The following ABRAXAS2 variants were observed in gnomAD, a reference collection of about 807,000 sequenced individuals.
The protein encoded by ABRAXAS2 is abraxas 2, BRISC complex subunit.
In ABRAXAS2, 23 loss-of-function variants were observed where a neutral mutation model predicts 49.0. The ratio of observed to expected loss-of-function variants is 0.47; its 90% CI spans 0.34 to 0.66. The LOEUF (loss-of-function observed/expected upper bound fraction) is 0.66, where lower values mean the gene tolerates loss of function less well. ABRAXAS2 is among the 30% of genes least tolerant of loss of function. The pLI, the probability that ABRAXAS2 is intolerant of heterozygous loss-of-function variation, is 0.01. For missense variants in ABRAXAS2, 443 were observed against 511.9 expected (o/e 0.87, Z 1.30); for synonymous variants, 168 against 180.2 (o/e 0.93, Z 0.54).
At chr10:124,831,840 GTC>G (rs1233042105) in intron 8 of ABRAXAS2, among the ~76,000 whole-genome samples, 17,004 of 105,922 alleles carry the variant, frequency 0.16, 2,016 homozygotes, top group Middle Eastern at 0.23. Flanking sequence ...ACTGTGTCCT[GTC>G]TTTTTTTTTT....
chr10:124,827,136 G>A (rs1211925543), intron 5 of ABRAXAS2, among the ~76,000 whole-genome samples: 1 of 146,274 alleles, frequency 6.8e-6, no homozygotes, highest in Non-Finnish European at 1.5e-5. Flanking sequence ...TGAGATTCGT[G>A]ACTTCAAAAA....
intron 2 of ABRAXAS2, among the ~76,000 whole-genome samples, chr10:124,807,332 A>AG (rs1358006154): frequency 3.4e-5 from 5 of 148,878 alleles, no homozygotes; most frequent in Admixed American, 2.0e-4. Flanking sequence ...AAAAAAAAAA[A>AG]AAAGAATTCA....
intron 3 of ABRAXAS2, among the ~76,000 whole-genome samples, chr10:124,817,576 A>G (rs962741557): frequency 5.9e-5 from 9 of 151,818 alleles, no homozygotes; most frequent in Admixed American, 3.3e-4. Flanking sequence ...CACGAATACA[A>G]TCAGCGTTCT....
chr10:124,828,732 G>T, intron 5 of ABRAXAS2, 24 bp from the exon 6 acceptor site: 1 of 1,600,546 alleles, frequency 6.2e-7, no homozygotes, highest in Non-Finnish European at 8.5e-7. Flanking sequence ...CATTTAACAT[G>T]ATCTCTCTGA....
At chr10:124,807,916 G>A (rs930669608) in intron 2 of ABRAXAS2, among the ~76,000 whole-genome samples, 1 of 152,152 alleles carries the variant, frequency 6.6e-6, no homozygotes, top group Admixed American at 6.6e-5. Context: ...ATCCAGCAAG[G>A]ATATTTACAT....
chr10:124,817,986 C>G (rs1463093850), intron 3 of ABRAXAS2, among the ~76,000 whole-genome samples: 1 of 152,194 alleles, frequency 6.6e-6, no homozygotes, highest in African/African-American at 2.4e-5. Flanking sequence ...ACGAAGGTGT[C>G]TGATTTGGTC....
In ABRAXAS2 at chr10:124,826,769, T is replaced by C. The variant is rs762833408; in HGVS notation, c.442T>C (p.Phe148Leu). Reference sequence around the variant, plus strand: ...CACTCACGCTTTAGAATATGTGCTCTTCAGACCAAATAGAAGGTAAAGCTT... The same window carrying C: ...CACTCACGCTTTAGAATATGTGCTCCTCAGACCAAATAGAAGGTAAAGCTT... ...NSTHALEYVL[F>L]RPNRRYNQRI... Residue 148 changes from phenylalanine (F) to leucine (L), a missense_variant, in exon 5 of 9, where the codon TTC becomes CTC. Physicochemically the swap from Phe to Leu is conservative, Grantham distance 22 (BLOSUM62 0). This residue lies in a region of ABRAXAS2 where 166 missense variants were observed against 247.3 expected (regional missense o/e 0.67). Transcript: ENST00000298492. 1 of 1,614,126 alleles carries C rather than the reference T, an allele frequency of 6.2e-7. No individual in the cohort carries two copies. The highest frequency in any genetic ancestry group is 8.5e-7 in the Non-Finnish European group (1 of 1,179,998).
Position 124,835,999 on chromosome 10 carries a change from G to A in ABRAXAS2, c.*1028G>A, listed in dbSNP as rs1950966505. 6.6e-6 allele frequency: 1 copy of A among 152,600 alleles called. No homozygotes were observed. Among genetic ancestry groups the A allele is most frequent in the Non-Finnish European group, 1.5e-5 (1 of 68,046 alleles). 9.5% of individuals were successfully genotyped at this position (152,600 alleles called of 1,614,324 possible). ...CATTTGGGGAATAATTGCAGTATGT[G>A]TAGAGACTCTCTTGGGATGCACTTA... On this transcript the variant is annotated 3_prime_UTR_variant, in exon 9 of 9. Coordinates refer to ENST00000298492, the MANE Select transcript of ABRAXAS2 (RefSeq NM_032182.4).
intron 5 of ABRAXAS2, 82 bp from the exon 6 acceptor site, chr10:124,828,674 C>CTTT: frequency 8.9e-6 from 10 of 1,125,160 alleles, no homozygotes; most frequent in African/African-American, 1.6e-5. Flanking sequence ...ACACCCAGCC[C>CTTT]TTTTTTTTTT....
At chr10:124,802,459 G>T (rs1950712644) in intron 1 of ABRAXAS2, among the ~76,000 whole-genome samples, 1 of 152,178 alleles carries the variant, frequency 6.6e-6, no homozygotes, top group African/African-American at 2.4e-5. Flanking sequence ...TCGGTGCAGG[G>T]TCTATTTTGT....
At chr10:124,809,351 G>T (rs1164979189) in intron 2 of ABRAXAS2, among the ~76,000 whole-genome samples, 5 of 151,444 alleles carry the variant, frequency 3.3e-5, no homozygotes, top group African/African-American at 1.2e-4. Context: ...GGGCAGTGGC[G>T]TCAGCTCACT....
chr10:124,826,839 C>G (rs777538544), intron 5 of ABRAXAS2, 54 bp downstream of exon 5: 18 of 1,564,292 alleles, frequency 1.2e-5, no homozygotes, highest in Non-Finnish European at 1.5e-5. Flanking sequence ...TGGGACCAGG[C>G]GTGGTGGCTT....
At chr10:124,806,075 C>T (rs1055986041) in intron 1 of ABRAXAS2, among the ~76,000 whole-genome samples, 1 of 151,852 alleles carries the variant, frequency 6.6e-6, no homozygotes, top group Non-Finnish European at 1.5e-5. Context: ...CCCAGGTGGG[C>T]GGATCACGAG....
chr10:124,808,054 G>T (rs1030641146), intron 2 of ABRAXAS2, among the ~76,000 whole-genome samples: 1 of 152,116 alleles, frequency 6.6e-6, no homozygotes, highest in Non-Finnish European at 1.5e-5. Context: ...ACTCTCTTTG[G>T]ATCAGCCTCC....
chr10:124,825,337 A>T (rs1377147314), intron 4 of ABRAXAS2, among the ~76,000 whole-genome samples: 1 of 151,602 alleles, frequency 6.6e-6, no homozygotes, highest in African/African-American at 2.4e-5. Flanking sequence ...AAAAAAAAAA[A>T]AATTATACCC....
Position 124,818,422 on chromosome 10 carries a change from G to A in ABRAXAS2, c.201-962G>A, listed in dbSNP as rs375931681. Among the ~76,000 whole-genome samples, 808 of 149,682 alleles carry A rather than the reference G, an allele frequency of 5.4e-3. 6 individuals carry two copies. Among genetic ancestry groups the A allele is most frequent in the African/African-American group, 0.016 (658 of 40,784 alleles). ...ACAAAAAAAAAAAAAAAAAAGATTA[G>A]ACTCAGTTATTAGAGCCAAAAGAAA... On this transcript the variant is annotated intron_variant, in intron 3 of 8. Transcript: ENST00000298492.
rs138165732 is a variant in ABRAXAS2, at chr10:124,808,300, C to T, written c.163+1379C>T. Among the ~76,000 whole-genome samples, 2,822 of 152,064 alleles carry T rather than the reference C, an allele frequency of 0.019. 123 individuals are homozygous for T. The East Asian group carries it at 0.2, about 11-fold the overall frequency. Reference sequence around the variant, plus strand: ...AGGCCATTCTCCTGCCTCAGCCTCCCGAGTAGCTGGGACTACAGGTGCCTG... The same window carrying T: ...AGGCCATTCTCCTGCCTCAGCCTCCTGAGTAGCTGGGACTACAGGTGCCTG... On this transcript the variant is annotated intron_variant, in intron 2 of 8. Coordinates refer to ENST00000298492, the MANE Select transcript of ABRAXAS2 (RefSeq NM_032182.4).
intron 2 of ABRAXAS2, among the ~76,000 whole-genome samples, chr10:124,814,063 C>T (rs908044875): frequency 2.0e-5 from 3 of 152,158 alleles, no homozygotes; most frequent in East Asian, 3.9e-4. Flanking sequence ...ACAATCTTGA[C>T]TCACTGCAAC....
In ABRAXAS2 at chr10:124,806,940, G is replaced by T; in HGVS notation, c.163+19G>T. 5 of 1,488,160 alleles carry T rather than the reference G, an allele frequency of 3.4e-6. No homozygotes were observed. The highest frequency in any genetic ancestry group is 2.3e-5 in the South Asian group (2 of 86,036). The allele number at this position is 1,488,160 out of a possible 1,614,324, so 92.2% of individuals were successfully genotyped here. On this transcript the variant is annotated intron_variant, in intron 2 of 8. Coordinates refer to ENST00000298492, the MANE Select transcript of ABRAXAS2 (RefSeq NM_032182.4). The stretch of plus-strand genomic sequence containing the variant: ...GTAATTGGTAAGTAAATTTCTCAAT[G>T]ACCTTAGAAATATCTTTTTTGTATA...
Sources: allele counts gnomAD v4.1 joint callset (sites outside exome capture counted in the v4.1 genomes callset), GRCh38; gene constraint gnomAD v4.1.1; regional missense constraint gnomAD v4.1.1; transcripts MANE v1.5; gene names NCBI Gene and HGNC (gene_info 2026-07-23, HGNC 2026-07-21).